The following NFIB variants were observed in gnomAD, a reference collection of about 807,000 sequenced individuals.
NFIB encodes nuclear factor 1 B-type.
Under a neutral mutation model 61.5 loss-of-function variants are expected in NFIB, and 11 were observed. The observed-to-expected ratio is 0.18, with a 90% CI of 0.11 to 0.30. The LOEUF (loss-of-function observed/expected upper bound fraction) is 0.30, where lower values mean the gene tolerates loss of function less well. Ranked by LOEUF, NFIB falls within the 10% of genes least tolerant of loss-of-function variation. The probability of loss-of-function intolerance (pLI) is 1.00; values close to 1 mark genes in which losing one functional copy is unlikely to be tolerated. For synonymous variants in NFIB, 260 were observed against 216.5 expected (o/e 1.20, Z -1.76); for missense variants, 471 against 608.9 (o/e 0.77, Z 2.38).
At chr9:14,233,385 G>C (rs1241892482) in intron 2 of NFIB, among the ~76,000 whole-genome samples, 1 of 148,032 alleles carries the variant, frequency 6.8e-6, no homozygotes, top group African/African-American at 2.5e-5. Context: ...CTTTGGTGAA[G>C]TCTGACACCC....
At chr9:14,228,625 T>C (rs928002869) in intron 2 of NFIB, among the ~76,000 whole-genome samples, 2 of 152,234 alleles carry the variant, frequency 1.3e-5, no homozygotes, top group Non-Finnish European at 2.9e-5. Context: ...TAATTCCACA[T>C]AAATTCAAAT....
chr9:14,515,868 C>G, the NFIB span, among the ~76,000 whole-genome samples: 1 of 152,242 alleles, frequency 6.6e-6, no homozygotes, highest in African/African-American at 2.4e-5. Context: ...TGCCCGACCT[C>G]ATTCAGGCTA....
At chr9:14,150,567 T>A (rs950770543) in intron 4 of NFIB, among the ~76,000 whole-genome samples, 28 of 152,252 alleles carry the variant, frequency 1.8e-4, no homozygotes, top group Non-Finnish European at 3.7e-4. Flanking sequence ...TCTGTCACTC[T>A]GCTAGTTAAA....
intron 1 of NFIB, among the ~76,000 whole-genome samples, chr9:14,393,063 C>T (rs1564055096): frequency 6.6e-6 from 1 of 152,280 alleles, no homozygotes; most frequent in East Asian, 1.9e-4. Context: ...CAGCATTATT[C>T]TGTATTTAAG....
At chr9:14,334,080 C>G (rs1353504896) in intron 1 of NFIB, among the ~76,000 whole-genome samples, 3 of 152,172 alleles carry the variant, frequency 2.0e-5, no homozygotes, top group Non-Finnish European at 4.4e-5. Context: ...GTATGGAATT[C>G]TATTGTATGC....
chr9:14,197,425 T>C (rs570646133), intron 2 of NFIB, among the ~76,000 whole-genome samples: 75 of 152,356 alleles, frequency 4.9e-4, no homozygotes, highest in African/African-American at 1.8e-3. Flanking sequence ...ACTGTTGTTA[T>C]TCTTCCAATT....
chr9:14,252,679 T>G (rs1202803566), intron 2 of NFIB, among the ~76,000 whole-genome samples: 1 of 152,234 alleles, frequency 6.6e-6, no homozygotes, highest in East Asian at 1.9e-4. Flanking sequence ...GATACATCCT[T>G]ATTAATATTA....
chr9:14,151,019 A>G (rs2042811680), intron 4 of NFIB, among the ~76,000 whole-genome samples: 1 of 152,154 alleles, frequency 6.6e-6, no homozygotes, highest in Non-Finnish European at 1.5e-5. Context: ...TTGTGTTAGA[A>G]TCAGCAGAGT....
the NFIB span, among the ~76,000 whole-genome samples, chr9:14,492,431 T>C: frequency 6.6e-6 from 1 of 150,650 alleles, no homozygotes; most frequent in African/African-American, 2.4e-5. Context: ...AGAAAAGAGG[T>C]TTACTTGGCT....
chr9:14,102,280 G>A, intron 10 of NFIB: 1 of 637,664 alleles, frequency 1.6e-6, no homozygotes. Flanking sequence ...AAATAAAGGA[G>A]GAGGACAGGG....
the NFIB span, among the ~76,000 whole-genome samples, chr9:14,487,341 T>A: frequency 6.6e-6 from 1 of 152,248 alleles, no homozygotes; most frequent in Non-Finnish European, 1.5e-5. Context: ...GCATCCTGGT[T>A]ACCCTTTTAC....
At chr9:14,310,314 A>G (rs1168676244) in intron 1 of NFIB, among the ~76,000 whole-genome samples, 5 of 152,288 alleles carry the variant, frequency 3.3e-5, no homozygotes, top group African/African-American at 1.2e-4. Flanking sequence ...CCTTATTGAT[A>G]TCGTTCAGGG....
At chr9:14,233,461 T>C (rs1452011959) in intron 2 of NFIB, among the ~76,000 whole-genome samples, 1 of 144,658 alleles carries the variant, frequency 6.9e-6, no homozygotes. Flanking sequence ...GGAGTCTCAC[T>C]CTGTCGCCCA....
chr9:14,340,557 C>G (rs1241268464), intron 1 of NFIB, among the ~76,000 whole-genome samples: 3 of 152,200 alleles, frequency 2.0e-5, no homozygotes, highest in Non-Finnish European at 4.4e-5. Flanking sequence ...TTTCCAAAGA[C>G]TCCTAAACTG....
chr9:14,108,443 T>C (rs1028592393), intron 10 of NFIB, among the ~76,000 whole-genome samples: 76 of 152,244 alleles, frequency 5.0e-4, no homozygotes, highest in African/African-American at 1.8e-3. Flanking sequence ...AAAAAGGCCA[T>C]TTTGTGTAAC....
At chr9:14,423,741 T>C in the NFIB span, among the ~76,000 whole-genome samples, 2 of 152,262 alleles carry the variant, frequency 1.3e-5, no homozygotes, top group East Asian at 1.9e-4. Context: ...AACTTTCCTG[T>C]TGATCCCAAT....
Position 14,120,402 on chromosome 9 carries a change from C to A in NFIB, c.1245+38G>T. ...TCTCAGAATTAGATCTGTCCCATCT[C>A]CCTTAGGTGCTAATCTTATTTTCTC... On this transcript the variant is annotated intron_variant, in intron 8 of 10. Coordinates refer to ENST00000380953, the MANE Select transcript of NFIB (RefSeq NM_001190737.2). The surrounding 1 kb of genome is among the most constrained non-coding windows in gnomAD (Gnocchi z 4.4). The A allele has an allele frequency of 6.3e-7, 1 of 1,599,038 alleles. No individual in the cohort carries two copies. Among genetic ancestry groups the A allele is most frequent in the Non-Finnish European group, 8.6e-7 (1 of 1,166,924 alleles).
chr9:14,254,873 T>G (rs2056063029), intron 2 of NFIB, among the ~76,000 whole-genome samples: 1 of 152,150 alleles, frequency 6.6e-6, no homozygotes. Context: ...AATAATGATC[T>G]TTTGCTCCTC....
intron 1 of NFIB, among the ~76,000 whole-genome samples, chr9:14,344,134 G>GAGAGAGAGAGAA (rs1248077284): frequency 9.5e-5 from 14 of 148,134 alleles, no homozygotes; most frequent in African/African-American, 3.5e-4. Context: ...GAGAGAGAGA[G>GAGAGAGAGAGAA]AAACACTAAG....
Sources: allele counts gnomAD v4.1 joint callset (sites outside exome capture counted in the v4.1 genomes callset), GRCh38; gene constraint gnomAD v4.1.1; non-coding constraint Gnocchi (gnomAD v3.1); transcripts MANE v1.5; gene names NCBI Gene and HGNC (gene_info 2026-07-23, HGNC 2026-07-21).